KCNU1: variants seen among roughly 807,000 people sequenced by gnomAD.
The protein encoded by KCNU1 is potassium calcium-activated channel subfamily U member 1, also known as potassium channel subfamily U member 1.
A neutral mutation model predicts 126.8 loss-of-function variants in KCNU1; 93 were observed. The ratio of observed to expected loss-of-function variants is 0.73; its 90% CI spans 0.62 to 0.87. The LOEUF (loss-of-function observed/expected upper bound fraction) is 0.87, where lower values mean the gene tolerates loss of function less well. Among genes scored for constraint, KCNU1 ranks in the 40% least tolerant of loss-of-function variants. The pLI is 0.00. For missense variants in KCNU1, 1,330 were observed against 1,367.1 expected, an observed-to-expected ratio of 0.97 and a Z score of 0.43; for synonymous variants, 523 against 494.2, an observed-to-expected ratio of 1.06 and a Z score of -0.77.
At chr8:36,841,904 T>C (rs1358968717) in intron 16 of KCNU1, among the ~76,000 whole-genome samples, 2 of 150,824 alleles carry the variant, frequency 1.3e-5, no homozygotes, top group African/African-American at 4.9e-5. Flanking sequence ...AAATGAAATA[T>C]ACATAAACAT....
intron 24 of KCNU1, among the ~76,000 whole-genome samples, chr8:36,923,246 T>C (rs1486736467): frequency 6.6e-6 from 1 of 152,160 alleles, no homozygotes; most frequent in Non-Finnish European, 1.5e-5. Context: ...CAGGGCACTG[T>C]TGGGGTGCTG....
chr8:36,882,036 C>T (rs1385047609), intron 19 of KCNU1, among the ~76,000 whole-genome samples: 1 of 152,192 alleles, frequency 6.6e-6, no homozygotes, highest in East Asian at 1.9e-4. Context: ...TGCTACCTTA[C>T]TAGGAGCGAT....
Position 36,873,349 on chromosome 8 carries a change from C to T in KCNU1, c.2009+8828C>T, listed in dbSNP as rs571448239. Among the ~76,000 whole-genome samples the T allele has an allele frequency of 7.9e-5, 12 of 152,022 alleles. No individual in the cohort carries two copies. The South Asian group carries it at 8.3e-4, about 11-fold the overall frequency. On this transcript the variant is annotated intron_variant, in intron 19 of 26. Coordinates refer to ENST00000399881, the MANE Select transcript of KCNU1 (RefSeq NM_001031836.3). The stretch of plus-strand genomic sequence containing the variant: ...GACCCATGCTTGGCTCCTAAGACCA[C>T]GCCAGTTTTGATAGTGAAAGTCAAA...
At chr8:36,882,086 A>G (rs143327049) in intron 19 of KCNU1, among the ~76,000 whole-genome samples, 1 of 152,142 alleles carries the variant, frequency 6.6e-6, no homozygotes, top group African/African-American at 2.4e-5. Context: ...AAAGAGACCC[A>G]TTCTCTCTTA....
intron 10 of KCNU1, among the ~76,000 whole-genome samples, chr8:36,822,227 C>T (rs1396715779): frequency 1.3e-5 from 2 of 151,620 alleles, no homozygotes; most frequent in African/African-American, 4.8e-5. Flanking sequence ...AATACACACA[C>T]ATCTATGTAT....
At chr8:36,858,189 A>AC (rs1158950959) in intron 18 of KCNU1, among the ~76,000 whole-genome samples, 48 of 151,790 alleles carry the variant, frequency 3.2e-4, no homozygotes, top group African/African-American at 1.0e-3. Context: ...AAAAAAAAAA[A>AC]AAAAAAAAAA....
At chr8:36,852,525 C>A (rs1405503348) in intron 18 of KCNU1, among the ~76,000 whole-genome samples, 3 of 152,056 alleles carry the variant, frequency 2.0e-5, no homozygotes, top group African/African-American at 7.2e-5. Context: ...TATTAATCAA[C>A]CTCTTTACAA....
chr8:36,803,919 A>G, intron 2 of KCNU1, 108 bp from the exon 3 acceptor site: 1 of 740,804 alleles, frequency 1.3e-6, no homozygotes, highest in Non-Finnish European at 2.4e-6. Context: ...TATGTGAATA[A>G]ATGGCTACAC....
chr8:36,873,370 T>G (rs1288709207), intron 19 of KCNU1, among the ~76,000 whole-genome samples: 1 of 152,016 alleles, frequency 6.6e-6, no homozygotes, highest in Non-Finnish European at 1.5e-5. Flanking sequence ...ATAGTGAAAG[T>G]CAAAGACACA....
chr8:36,847,137 C>T (rs1420503416), intron 18 of KCNU1, among the ~76,000 whole-genome samples: 2 of 152,174 alleles, frequency 1.3e-5, no homozygotes, highest in African/African-American at 2.4e-5. Flanking sequence ...TCATTTGTTA[C>T]TGAAATCCAT....
chr8:36,917,437 A>G (rs1808159298), intron 22 of KCNU1, among the ~76,000 whole-genome samples: 1 of 151,342 alleles, frequency 6.6e-6, no homozygotes, highest in Non-Finnish European at 1.5e-5. Flanking sequence ...GTAAGCTCTG[A>G]ACTCCTGGGC....
intron 25 of KCNU1, 50 bp from the exon 26 acceptor site, chr8:36,932,870 T>A (rs1808742445): frequency 1.9e-6 from 2 of 1,053,894 alleles, no homozygotes. Flanking sequence ...TGCTTATAAT[T>A]GCTTGATCAA....
intron 18 of KCNU1, among the ~76,000 whole-genome samples, chr8:36,850,679 G>A (rs903268680): frequency 6.6e-6 from 1 of 152,060 alleles, no homozygotes; most frequent in East Asian, 1.9e-4. Flanking sequence ...CTGTTCTCGA[G>A]CTCCTAGGCT....
intron 7 of KCNU1, 36 bp from the exon 8 acceptor site, chr8:36,814,171 A>G (rs1337073842): frequency 1.3e-6 from 2 of 1,552,622 alleles, no homozygotes; most frequent in East Asian, 4.5e-5. Flanking sequence ...CTTGGATTCT[A>G]TTCAGATGTT....
At chr8:36,834,656 C>G in intron 11 of KCNU1, 130 bp from the exon 12 acceptor site, 1 of 611,784 alleles carries the variant, frequency 1.6e-6, no homozygotes, top group Non-Finnish European at 2.9e-6. Context: ...CTCATTACAA[C>G]TTATTCCCAA....
intron 19 of KCNU1, among the ~76,000 whole-genome samples, chr8:36,881,796 T>TCTCA (rs1161052925): frequency 7.2e-6 from 1 of 138,844 alleles, no homozygotes; most frequent in Non-Finnish European, 1.6e-5. Context: ...AAAAGTCAAA[T>TCTCA]CACACACACA....
chr8:36,924,704 T>A (rs1263855631), intron 24 of KCNU1, among the ~76,000 whole-genome samples: 1 of 152,130 alleles, frequency 6.6e-6, no homozygotes, highest in Non-Finnish European at 1.5e-5. Flanking sequence ...ATATGTCAAT[T>A]AACTCACCTG....
intron 18 of KCNU1, among the ~76,000 whole-genome samples, chr8:36,860,368 C>T (rs1017985486): frequency 5.3e-5 from 8 of 152,148 alleles, no homozygotes; most frequent in Admixed American, 1.3e-4. Flanking sequence ...TGAGACACTG[C>T]GCCTGGCCCA....
At chr8:36,842,382 T>C (rs1336472391) in intron 16 of KCNU1, among the ~76,000 whole-genome samples, 3 of 152,176 alleles carry the variant, frequency 2.0e-5, no homozygotes, top group Non-Finnish European at 4.4e-5. Flanking sequence ...TCAGTGGGAT[T>C]GTAAAAAGCA....
Sources: allele counts gnomAD v4.1 joint callset (sites outside exome capture counted in the v4.1 genomes callset), GRCh38; gene constraint gnomAD v4.1.1; transcripts MANE v1.5; gene names NCBI Gene and HGNC (gene_info 2026-07-23, HGNC 2026-07-21).